Variants in RASGRF2 observed in about 807,000 individuals in gnomAD.
RASGRF2 encodes the protein ras-specific guanine nucleotide-releasing factor 2.
In RASGRF2, 76 loss-of-function variants were observed where a neutral mutation model predicts 151.0. The ratio of observed to expected loss-of-function variants is 0.50; its 90% CI spans 0.42 to 0.61. The LOEUF (loss-of-function observed/expected upper bound fraction) is 0.61, where lower values mean the gene tolerates loss of function less well. Ranked by LOEUF, RASGRF2 falls within the 20% of genes least tolerant of loss-of-function variation. RASGRF2 has a pLI of 0.00. For synonymous variants in RASGRF2, 504 were observed against 566.5 expected (o/e 0.89, Z 1.57); for missense variants, 1,148 against 1,564.6 (o/e 0.73, Z 4.49).
intron 17 of RASGRF2, among the ~76,000 whole-genome samples, chr5:81,129,695 G>A (rs1226707273): frequency 6.6e-6 from 1 of 152,136 alleles, no homozygotes; most frequent in Non-Finnish European, 1.5e-5. Flanking sequence ...TCAACATTTT[G>A]GGGGGAAATA....
intron 18 of RASGRF2, among the ~76,000 whole-genome samples, chr5:81,198,321 G>A (rs1022375337): frequency 1.3e-5 from 2 of 152,154 alleles, no homozygotes; most frequent in African/African-American, 2.4e-5. Context: ...TTATGTCCAC[G>A]TGAACCGAAG....
chr5:81,032,680 A>G (rs185279734), intron 1 of RASGRF2, among the ~76,000 whole-genome samples: 54 of 152,314 alleles, frequency 3.5e-4, no homozygotes, highest in Admixed American at 3.2e-3. Flanking sequence ...ACAAACCCAC[A>G]GCCAATATCA....
In RASGRF2 at chr5:81,219,554, C is replaced by G. The variant is rs1755813897; in HGVS notation, c.3553-156C>G. 9.1e-6 allele frequency: 5 copies of G among 550,780 alleles called. No homozygotes were observed. The South Asian group carries it at 1.1e-4, about 13-fold the overall frequency. 34.1% of individuals were successfully genotyped at this position (550,780 alleles called of 1,614,324 possible). A position where few individuals can be genotyped will look rare whatever the true frequency, so the allele number is the denominator to read the frequency against. On this transcript the variant is annotated intron_variant, in intron 25 of 26. Transcript: ENST00000265080. ...TGCCTCCTTGAGAGTCAAGAAAGCA[C>G]CAACCATAGGGAATGGTCAGGCAGG...
intron 4 of RASGRF2, among the ~76,000 whole-genome samples, chr5:81,072,619 G>A (rs1751811140): frequency 1.3e-5 from 2 of 152,120 alleles, no homozygotes; most frequent in Non-Finnish European, 2.9e-5. Context: ...AAGGACTTTA[G>A]ATTTTTTTGT....
chr5:81,121,524 A>G (rs1222401159), intron 15 of RASGRF2, among the ~76,000 whole-genome samples: 1 of 152,214 alleles, frequency 6.6e-6, no homozygotes, highest in Non-Finnish European at 1.5e-5. Context: ...ACGTCAAACA[A>G]TGTGAGGAGA....
intron 17 of RASGRF2, among the ~76,000 whole-genome samples, chr5:81,167,546 C>G (rs1444949967): frequency 3.3e-5 from 5 of 152,234 alleles, no homozygotes; most frequent in Non-Finnish European, 7.3e-5. Flanking sequence ...CTGCACACAT[C>G]AGTGTGCACT....
intron 1 of RASGRF2, among the ~76,000 whole-genome samples, chr5:81,032,509 C>T (rs1426037429): frequency 1.1e-4 from 16 of 151,908 alleles, no homozygotes; most frequent in African/African-American, 1.9e-4. Context: ...AATCAATAAA[C>T]GTAATCCAGC....
chr5:81,141,886 A>G (rs189977008), intron 17 of RASGRF2, among the ~76,000 whole-genome samples: 51 of 152,308 alleles, frequency 3.3e-4, no homozygotes, highest in African/African-American at 1.1e-3. Context: ...TAGAGGAAGC[A>G]TGTATTTCTG....
At position 81,070,516 on chromosome 5, in the gene RASGRF2, G is replaced by A. The variant is rs760768979; in HGVS notation, c.568G>A (p.Glu190Lys). 31 of 1,609,046 alleles carry A rather than the reference G, an allele frequency of 1.9e-5. No homozygotes were observed. The highest frequency in any genetic ancestry group is 2.6e-5 in the Non-Finnish European group (31 of 1,175,574). The change falls in exon 4 of 27, where the codon GAA becomes AAA. Residue 190 changes from glutamate (E) to lysine (K), a missense_variant. Physicochemically the swap from Glu to Lys is moderately conservative, Grantham distance 56. This residue lies in a region of RASGRF2 where 221 missense variants were observed against 271.3 expected (regional missense o/e 0.81). Coordinates refer to ENST00000265080, the MANE Select transcript of RASGRF2 (RefSeq NM_006909.3). Reference sequence around the variant, plus strand: ...GATTATTGCTCTTAATAAAACCAAAGAACGAATGCGACCTTACCAAAGCAA... The same window carrying A: ...GATTATTGCTCTTAATAAAACCAAAAAACGAATGCGACCTTACCAAAGCAA... Reference protein sequence around the residue: ...SEIIALNKTKERMRPYQSNQE... With the variant: ...SEIIALNKTKKRMRPYQSNQE...
intron 4 of RASGRF2, 34 bp from the exon 5 acceptor site, chr5:81,073,165 T>C: frequency 6.3e-7 from 1 of 1,589,220 alleles, no homozygotes; most frequent in Non-Finnish European, 8.6e-7. Context: ...CCATTGTAAC[T>C]AGTCAGATTC....
At chr5:81,063,880 A>G (rs987613361) in intron 2 of RASGRF2, among the ~76,000 whole-genome samples, 2 of 151,858 alleles carry the variant, frequency 1.3e-5, no homozygotes, top group Admixed American at 1.3e-4. Context: ...ATATCCTTCC[A>G]TGTCTTTCTG....
intron 1 of RASGRF2, among the ~76,000 whole-genome samples, chr5:81,024,853 C>G (rs189250208): frequency 8.4e-4 from 128 of 152,320 alleles, no homozygotes; most frequent in African/African-American, 2.9e-3. Context: ...TGTCCAGCCT[C>G]AGGCAGACGA....
chr5:81,063,395 C>T lies in RASGRF2; in HGVS notation c.396-4637C>T, dbSNP rs111329075. Among the ~76,000 whole-genome samples, 450 of 152,070 alleles carry T rather than the reference C, an allele frequency of 3.0e-3. 2 individuals carry two copies. Among genetic ancestry groups the T allele is most frequent in the African/African-American group, 0.01 (428 of 41,456 alleles). ...CCAAGTAGCTGTGACTATAGATGCC[C>T]GCCACCACACCTGGCTAATTTTTTG... On this transcript the variant is annotated intron_variant, in intron 2 of 26. Coordinates refer to ENST00000265080, the MANE Select transcript of RASGRF2 (RefSeq NM_006909.3).
intron 19 of RASGRF2, among the ~76,000 whole-genome samples, chr5:81,203,047 A>G (rs1011732246): frequency 6.6e-6 from 1 of 152,210 alleles, no homozygotes. Flanking sequence ...CACTTTTTCC[A>G]TTCTATGAAA....
intron 1 of RASGRF2, among the ~76,000 whole-genome samples, chr5:80,966,200 G>A (rs993612136): frequency 5.3e-5 from 8 of 151,960 alleles, no homozygotes; most frequent in African/African-American, 1.9e-4. Context: ...ATATATTGGA[G>A]TTTGCAGATT....
chr5:80,978,125 A>C (rs1409744298), intron 1 of RASGRF2, among the ~76,000 whole-genome samples: 1 of 152,160 alleles, frequency 6.6e-6, no homozygotes, highest in Non-Finnish European at 1.5e-5. Flanking sequence ...ATATTAAAGT[A>C]AAAATAATAG....
At position 81,085,928 on chromosome 5, in the gene RASGRF2, T is replaced by C. The variant is rs372438777; in HGVS notation, c.1271+17T>C. 9.3e-5 allele frequency: 150 copies of C among 1,613,998 alleles called. No homozygotes were observed. In the African/African-American group the frequency reaches 1.8e-3, roughly 20 times the overall value. On this transcript the variant is annotated intron_variant, in intron 8 of 26. Coordinates refer to ENST00000265080, the MANE Select transcript of RASGRF2 (RefSeq NM_006909.3). The stretch of plus-strand genomic sequence containing the variant: ...ACTATCCAGGTATGCCAAGAACTTA[T>C]AACAAAGGCTTGGGAGAGGAAAGCA...
intron 1 of RASGRF2, among the ~76,000 whole-genome samples, chr5:81,034,818 G>A (rs1310875651): frequency 7.1e-6 from 1 of 140,176 alleles, no homozygotes; most frequent in Non-Finnish European, 1.5e-5. Context: ...AGGGGGGTAG[G>A]GATAGCATTG....
chr5:81,073,005 G>A (rs1751825416), intron 4 of RASGRF2, among the ~76,000 whole-genome samples, 194 bp from the exon 5 acceptor site: 1 of 152,214 alleles, frequency 6.6e-6, no homozygotes. Flanking sequence ...TTGTTGATTG[G>A]CTGAAACACA....
Sources: allele counts gnomAD v4.1 joint callset (sites outside exome capture counted in the v4.1 genomes callset), GRCh38; gene constraint gnomAD v4.1.1; regional missense constraint gnomAD v4.1.1; transcripts MANE v1.5; gene names NCBI Gene and HGNC (gene_info 2026-07-23, HGNC 2026-07-21).